Variants in WFDC10B observed in about 807,000 individuals in gnomAD.
WFDC10B encodes WAP four-disulfide core domain 10B.
WFDC10B carries 1 observed loss-of-function variant against 2.7 expected under a neutral mutation model. That is an observed-to-expected ratio of 0.38 (90% confidence interval 0.13 to 1.79). WFDC10B has a LOEUF of 1.79. WFDC10B is among the 40% of genes most tolerant of loss of function. WFDC10B has a pLI of 0.33. For synonymous variants in WFDC10B, 26 were observed against 32.2 expected, an observed-to-expected ratio of 0.81 and a Z score of 0.65; for missense variants, 71 against 87.8, an observed-to-expected ratio of 0.81 and a Z score of 0.76.
chr20:45,686,955 T>G (rs1433107922), intron 2 of WFDC10B, among the ~76,000 whole-genome samples: 1 of 152,160 alleles, frequency 6.6e-6, no homozygotes, highest in African/African-American at 2.4e-5. Flanking sequence ...GCCACCACAC[T>G]CGGCCTAATT....
chr20:45,689,231 T>G (rs1217316242), intron 2 of WFDC10B, among the ~76,000 whole-genome samples: 4 of 151,664 alleles, frequency 2.6e-5, no homozygotes, highest in African/African-American at 9.8e-5. Flanking sequence ...CCATGCTGTT[T>G]TGGTTACTGT....
intron 2 of WFDC10B, 108 bp downstream of exon 2, chr20:45,704,389 G>A: frequency 6.4e-7 from 1 of 1,568,740 alleles, no homozygotes; most frequent in East Asian, 2.3e-5. Flanking sequence ...TCTGAGTTCT[G>A]AACATTACTC....
chr20:45,703,325 C>A (rs1303882150), intron 2 of WFDC10B, among the ~76,000 whole-genome samples: 1 of 152,164 alleles, frequency 6.6e-6, no homozygotes, highest in Non-Finnish European at 1.5e-5. Flanking sequence ...AGTTATTGGT[C>A]TCTGTTAAAT....
intron 2 of WFDC10B, among the ~76,000 whole-genome samples, chr20:45,698,998 A>AGGGGGG (rs1282343978): frequency 5.0e-5 from 7 of 140,342 alleles, no homozygotes; most frequent in Admixed American, 7.4e-5. Flanking sequence ...GAGGAGAAGG[A>AGGGGGG]GGGGGAGGGG....
intron 2 of WFDC10B, among the ~76,000 whole-genome samples, chr20:45,698,743 G>A (rs1984051831): frequency 6.6e-6 from 1 of 152,120 alleles, no homozygotes; most frequent in Non-Finnish European, 1.5e-5. Flanking sequence ...AAAGCAGGTG[G>A]ATCACCTGAG....
chr20:45,690,814 G>GT (rs775620643), intron 2 of WFDC10B, among the ~76,000 whole-genome samples: 1 of 152,046 alleles, frequency 6.6e-6, no homozygotes, highest in Non-Finnish European at 1.5e-5. Context: ...TTTTTGAAGG[G>GT]TTTTTTGTGT....
intron 2 of WFDC10B, among the ~76,000 whole-genome samples, chr20:45,689,482 G>C (rs1041145605): frequency 6.6e-6 from 1 of 152,096 alleles, no homozygotes; most frequent in African/African-American, 2.4e-5. Context: ...AGCATGGAAT[G>C]TTCTTCCATT....
intron 2 of WFDC10B, among the ~76,000 whole-genome samples, chr20:45,692,104 T>G (rs1386276426): frequency 6.6e-6 from 1 of 152,200 alleles, no homozygotes; most frequent in African/African-American, 2.4e-5. Context: ...GAAGCTTAGT[T>G]TGGCTGGATA....
At chr20:45,697,598 T>C (rs1002580372) in intron 2 of WFDC10B, among the ~76,000 whole-genome samples, 4 of 151,968 alleles carry the variant, frequency 2.6e-5, no homozygotes, top group African/African-American at 9.7e-5. Context: ...GCAAACCACC[T>C]GCCTTGGCCT....
At chr20:45,689,953 A>C (rs1458656001) in intron 2 of WFDC10B, among the ~76,000 whole-genome samples, 5 of 151,852 alleles carry the variant, frequency 3.3e-5, no homozygotes, top group Non-Finnish European at 7.4e-5. Flanking sequence ...GTTTTTGCCC[A>C]TTCAGTATGA....
At chr20:45,690,719 T>G (rs1983785330) in intron 2 of WFDC10B, among the ~76,000 whole-genome samples, 4 of 151,990 alleles carry the variant, frequency 2.6e-5, no homozygotes, top group African/African-American at 9.7e-5. Context: ...ATCTATTTGA[T>G]TCTTCTCTCT....
At chr20:45,694,650 G>A (rs1233950542) in intron 2 of WFDC10B, among the ~76,000 whole-genome samples, 1 of 152,152 alleles carries the variant, frequency 6.6e-6, no homozygotes, top group Admixed American at 6.5e-5. Context: ...CCTGGCACAA[G>A]GTTCCTAAAA....
chr20:45,703,194 C>A (rs1267021879), intron 2 of WFDC10B, among the ~76,000 whole-genome samples: 1 of 152,166 alleles, frequency 6.6e-6, no homozygotes, highest in Non-Finnish European at 1.5e-5. Context: ...ATCTCTGGAT[C>A]ATGGTGTCTA....
chr20:45,695,751 T>G (rs1251484531), intron 2 of WFDC10B, among the ~76,000 whole-genome samples: 1 of 148,584 alleles, frequency 6.7e-6, no homozygotes, highest in Non-Finnish European at 1.5e-5. Flanking sequence ...TTTGGGAGGC[T>G]GAGGTGGGTG....
intron 2 of WFDC10B, chr20:45,702,292 C>A: frequency 7.2e-7 from 1 of 1,388,582 alleles, no homozygotes. Context: ...TCTGTCACAC[C>A]TCTTGGAAAA....
At chr20:45,697,590 A>T (rs748843204) in intron 2 of WFDC10B, among the ~76,000 whole-genome samples, 1 of 151,864 alleles carries the variant, frequency 6.6e-6, no homozygotes, top group Non-Finnish European at 1.5e-5. Flanking sequence ...GAGCTCAAGC[A>T]AACCACCTGC....
At chr20:45,695,026 G>A (rs1983936585) in intron 2 of WFDC10B, among the ~76,000 whole-genome samples, 1 of 152,164 alleles carries the variant, frequency 6.6e-6, no homozygotes, top group African/African-American at 2.4e-5. Flanking sequence ...ACTTCATCTG[G>A]CTATTCATTT....
At chr20:45,701,717 G>A (rs1004327765) in intron 2 of WFDC10B, among the ~76,000 whole-genome samples, 10 of 145,510 alleles carry the variant, frequency 6.9e-5, no homozygotes, top group South Asian at 6.5e-4. Context: ...AGCAGAGATC[G>A]CACCACTGCA....
chr20:45,704,234 G>A (rs386196), intron 2 of WFDC10B, among the ~76,000 whole-genome samples: 23,439 of 152,144 alleles, frequency 0.15, 2,422 homozygotes, highest in East Asian at 0.46. Flanking sequence ...ACCAAACTCT[G>A]TTCTTGATCA....
Sources: gnomAD v4.1 joint callset for allele counts (sites outside exome capture counted in the v4.1 genomes callset) on GRCh38, gnomAD v4.1.1 for gene constraint, MANE v1.5 for transcripts, NCBI Gene and HGNC (gene_info 2026-07-23, HGNC 2026-07-21) for gene names.